Variants in AHCYL2 observed in about 807,000 individuals in gnomAD.
The protein encoded by AHCYL2 is S-adenosylhomocysteine hydrolase-like protein 2.
A neutral mutation model predicts 81.4 loss-of-function variants in AHCYL2; 28 were observed. The observed-to-expected ratio is 0.34, with a 90% CI of 0.25 to 0.47. The LOEUF is 0.47. Ranked by LOEUF, AHCYL2 falls within the 20% of genes least tolerant of loss-of-function variation. The pLI, the probability that AHCYL2 is intolerant of heterozygous loss-of-function variation, is 1.00. For synonymous variants in AHCYL2, 272 were observed against 290.2 expected (o/e 0.94, Z 0.64); for missense variants, 551 against 785.1 (o/e 0.70, Z 3.56).
At chr7:129,329,843 A>G (rs1406869127) in intron 1 of AHCYL2, among the ~76,000 whole-genome samples, 1 of 152,214 alleles carries the variant, frequency 6.6e-6, no homozygotes, top group African/African-American at 2.4e-5. Flanking sequence ...AGAATCTGTT[A>G]TAATGTTAAT....
In AHCYL2 at chr7:129,225,202, C is replaced by T. The variant is rs1163804190; in HGVS notation, c.126C>T (p.Ala42=). ...GLSTAAVGAM[A]PPAGGGDPEA... ...GCACGGCCGCCGTGGGCGCCATGGC[C>T]CCCCCGGCGGGCGGTGGAGACCCTG... The change falls in exon 1 of 17, where the codon GCC becomes GCT. Residue 42 remains alanine (A), a synonymous_variant. Coordinates refer to ENST00000325006, the MANE Select transcript of AHCYL2 (RefSeq NM_015328.4). The T allele has an allele frequency of 1.0e-5, 16 of 1,550,786 alleles. No individual in the cohort carries two copies. The highest frequency in any genetic ancestry group is 1.9e-4 in the Middle Eastern group (1 of 5,392).
In AHCYL2 at chr7:129,362,614, T is replaced by G. The variant is rs547915239; in HGVS notation, c.364-17024T>G. ...GTTTTCTTGTTTTTTTTTTTTTTTTTTTTTTTTTTTATGGTCTCAGAGAAT... is the reference window on the plus strand; with the variant it reads ...GTTTTCTTGTTTTTTTTTTTTTTTTGTTTTTTTTTTATGGTCTCAGAGAAT... On this transcript the variant is annotated intron_variant, in intron 1 of 16. Transcript: ENST00000325006. 5.2e-4 allele frequency among the ~76,000 whole-genome samples: 76 copies of G among 146,534 alleles called. 1 individual carries two copies. The highest frequency in any genetic ancestry group is 1.9e-3 in the African/African-American group (76 of 39,920).
chr7:129,404,916 C>CTATA (rs1796229024), intron 7 of AHCYL2, among the ~76,000 whole-genome samples, 181 bp from the exon 8 acceptor site: 1 of 152,106 alleles, frequency 6.6e-6, no homozygotes, highest in Non-Finnish European at 1.5e-5. Context: ...TATTGTGAAG[C>CTATA]TATATATGCA....
At chr7:129,280,996 TG>T (rs1796421948) in intron 1 of AHCYL2, among the ~76,000 whole-genome samples, 1 of 151,792 alleles carries the variant, frequency 6.6e-6, no homozygotes, top group African/African-American at 2.4e-5. Flanking sequence ...CCTGAGTAGC[TG>T]GGACTACAGG....
At chr7:129,392,335 A>G (rs1026874969) in intron 4 of AHCYL2, among the ~76,000 whole-genome samples, 14 of 152,198 alleles carry the variant, frequency 9.2e-5, no homozygotes, top group African/African-American at 3.4e-4. Context: ...TCTGGAGGCT[A>G]GGAAGTCCAA....
intron 10 of AHCYL2, among the ~76,000 whole-genome samples, chr7:129,408,365 C>T (rs1024931736): frequency 3.9e-5 from 6 of 151,998 alleles, no homozygotes; most frequent in Non-Finnish European, 7.4e-5. Flanking sequence ...ATGAAAGAGA[C>T]GTTTATGGAA....
intron 1 of AHCYL2, among the ~76,000 whole-genome samples, chr7:129,277,665 T>A (rs1796272773): frequency 6.6e-6 from 1 of 152,220 alleles, no homozygotes; most frequent in Non-Finnish European, 1.5e-5. Context: ...TCTAGGCTTT[T>A]AAGTGGAATC....
intron 1 of AHCYL2, among the ~76,000 whole-genome samples, chr7:129,304,182 T>C (rs1359062286): frequency 1.3e-5 from 2 of 152,244 alleles, no homozygotes; most frequent in African/African-American, 4.8e-5. Flanking sequence ...AATTCCTTCA[T>C]GTTTGTACCA....
At chr7:129,417,294 C>G (rs1463070190) in intron 12 of AHCYL2, among the ~76,000 whole-genome samples, 1 of 152,090 alleles carries the variant, frequency 6.6e-6, no homozygotes, top group Non-Finnish European at 1.5e-5. Context: ...GGCCAGTGTG[C>G]TTGGAGGAGA....
At chr7:129,387,988 GACCC>G (rs1016686927) in intron 2 of AHCYL2, 1 of 152,188 alleles carries the variant, frequency 6.6e-6, no homozygotes, top group African/African-American at 2.4e-5. Flanking sequence ...CGCAGAGGTA[GACCC>G]TTTGCTAAGA....
chr7:129,321,743 G>GTTTTTTTTTTTTTTTTTTTTTTTTTTTT, intron 1 of AHCYL2, among the ~76,000 whole-genome samples: 10 of 77,616 alleles, frequency 1.3e-4, no homozygotes, highest in Non-Finnish European at 2.0e-4. Flanking sequence ...TTCTTTCTTT[G>GTTTTTTTTTTTTTTTTTTTTTTTTTTTT]TTTTTTTTTT....
At chr7:129,278,573 A>G (rs774890042) in intron 1 of AHCYL2, among the ~76,000 whole-genome samples, 5 of 152,072 alleles carry the variant, frequency 3.3e-5, no homozygotes, top group Admixed American at 1.3e-4. Flanking sequence ...ATGAAGCCCA[A>G]TTTATCAATT....
intron 1 of AHCYL2, among the ~76,000 whole-genome samples, chr7:129,355,575 A>G (rs1793709788): frequency 6.6e-6 from 1 of 152,208 alleles, no homozygotes. Flanking sequence ...TACCTCAAAT[A>G]ATAAGAATCA....
At chr7:129,385,099 T>A (rs1219629018) in intron 2 of AHCYL2, among the ~76,000 whole-genome samples, 1 of 152,248 alleles carries the variant, frequency 6.6e-6, no homozygotes, top group East Asian at 1.9e-4. Context: ...CAGAAGTCCC[T>A]TCTTCACGAT....
chr7:129,418,739 G>A (rs1472973963), intron 12 of AHCYL2, among the ~76,000 whole-genome samples: 2 of 152,166 alleles, frequency 1.3e-5, no homozygotes, highest in African/African-American at 4.8e-5. Context: ...GTGAGATCCT[G>A]TCTCTAAAAA....
intron 1 of AHCYL2, among the ~76,000 whole-genome samples, chr7:129,291,378 T>G (rs1250393545): frequency 6.6e-6 from 1 of 152,206 alleles, no homozygotes; most frequent in East Asian, 1.9e-4. Context: ...TTTTATAGAT[T>G]AAGTAATTGA....
intron 1 of AHCYL2, among the ~76,000 whole-genome samples, chr7:129,363,729 G>C (rs761170235): frequency 4.6e-5 from 7 of 151,900 alleles, no homozygotes; most frequent in Non-Finnish European, 8.8e-5. Context: ...GTAGAGACAG[G>C]GTTTCACCAT....
At chr7:129,235,788 A>G (rs965362781) in intron 1 of AHCYL2, among the ~76,000 whole-genome samples, 2 of 152,176 alleles carry the variant, frequency 1.3e-5, no homozygotes, top group African/African-American at 2.4e-5. Context: ...CTCTTTCTGT[A>G]TCAGTACCTA....
At chr7:129,313,274 G>C (rs987770962) in intron 1 of AHCYL2, among the ~76,000 whole-genome samples, 1 of 152,204 alleles carries the variant, frequency 6.6e-6, no homozygotes, top group Non-Finnish European at 1.5e-5. Context: ...GAGAATAAGG[G>C]ATAAAATTGT....
Sources: gnomAD v4.1 joint callset for allele counts (sites outside exome capture counted in the v4.1 genomes callset) on GRCh38, gnomAD v4.1.1 for gene constraint, MANE v1.5 for transcripts, NCBI Gene and HGNC (gene_info 2026-07-23, HGNC 2026-07-21) for gene names.